The following FBXO46 variants were observed in gnomAD, a reference collection of about 807,000 sequenced individuals.
FBXO46 encodes the protein F-box protein 46, also known as F-box only protein 46.
In FBXO46, 13 loss-of-function variants were observed where a neutral mutation model predicts 30.7. The observed-to-expected ratio is 0.42, with a 90% CI of 0.28 to 0.67. The LOEUF is 0.67. Ranked by LOEUF, FBXO46 falls within the 30% of genes least tolerant of loss-of-function variation. The pLI is 0.21. For synonymous variants in FBXO46, 467 were observed against 385.8 expected (o/e 1.21, Z -2.47); for missense variants, 754 against 871.5 (o/e 0.87, Z 1.70).
chr19:45,712,694 C>T lies in FBXO46; in HGVS notation c.802G>A (p.Gly268Ser), dbSNP rs1475831519. Reference protein sequence around the residue: ...EVRIAFRISNGREPRAPDSGL... With the variant: ...EVRIAFRISNSREPRAPDSGL... ...CTGTCTGGTGCACGGGGCTCCCGGC[C>T]GTTGGAGATGCGGAAGGCGATGCGC... Residue 268 changes from glycine (G) to serine (S), a missense_variant, in exon 2 of 2, where the codon GGC becomes AGC. Around this residue, in one of 5 missense-constraint regions of FBXO46, gnomAD observed 454 missense variants for 426.5 expected, o/e 1.06. Coordinates refer to ENST00000317683, the MANE Select transcript of FBXO46 (RefSeq NM_001080469.2). The surrounding 1 kb of genome is among the most constrained non-coding windows in gnomAD (Gnocchi z 8.8). 6 of 1,612,794 alleles carry T rather than the reference C, an allele frequency of 3.7e-6. No individual in the cohort carries two copies. Among genetic ancestry groups the T allele is most frequent in the African/African-American group, 2.7e-5 (2 of 75,024 alleles).
At chr19:45,718,102 AG>A (rs1203087841) in intron 1 of FBXO46, among the ~76,000 whole-genome samples, 2 of 152,120 alleles carry the variant, frequency 1.3e-5, no homozygotes, top group African/African-American at 4.8e-5. Context: ...GAAAACACCC[AG>A]GTACCCCACC....
In FBXO46 at chr19:45,722,107, C is replaced by T. The variant is rs145486077; in HGVS notation, c.-78-8534G>A. On this transcript the variant is annotated intron_variant, in intron 1 of 1. Coordinates refer to ENST00000317683, the MANE Select transcript of FBXO46 (RefSeq NM_001080469.2). ...TGCTGGGATTACAGGCATGATGCAC[C>T]GCGCCCGGTCCCTGTTCCTTCTATG... Among the ~76,000 whole-genome samples the T allele has an allele frequency of 7.0e-4, 106 of 152,264 alleles. No homozygotes were observed. The East Asian group carries it at 0.013, about 19-fold the overall frequency.
chr19:45,727,961 C>T (rs538503450), intron 1 of FBXO46, among the ~76,000 whole-genome samples: 9 of 152,088 alleles, frequency 5.9e-5, no homozygotes, highest in African/African-American at 1.9e-4. Context: ...TTTTTTGAGA[C>T]AGTCTCACTC....
intron 1 of FBXO46, chr19:45,715,805 T>TC (rs1314688304): frequency 2.3e-4 from 2 of 8,804 alleles, no homozygotes; most frequent in African/African-American, 4.6e-4. Context: ...AAACTCCATC[T>TC]CAAAAAAAAA....
chr19:45,718,304 G>T (rs1968128400), intron 1 of FBXO46, among the ~76,000 whole-genome samples: 1 of 152,192 alleles, frequency 6.6e-6, no homozygotes, highest in African/African-American at 2.4e-5. Flanking sequence ...ACACAGAGCT[G>T]GAGTGTGAGC....
intron 1 of FBXO46, among the ~76,000 whole-genome samples, chr19:45,727,477 T>G (rs1968254766): frequency 6.6e-6 from 1 of 151,566 alleles, no homozygotes; most frequent in African/African-American, 2.4e-5. Flanking sequence ...AGACATCATT[T>G]GAACCCGGGA....
chr19:45,729,007 A>G (rs969931462), intron 1 of FBXO46, among the ~76,000 whole-genome samples: 7 of 152,166 alleles, frequency 4.6e-5, no homozygotes, highest in African/African-American at 1.7e-4. Flanking sequence ...GCTACTCGGG[A>G]GGCTGAGGCG....
chr19:45,723,926 C>T (rs895538094), intron 1 of FBXO46, among the ~76,000 whole-genome samples: 2 of 152,040 alleles, frequency 1.3e-5, no homozygotes, highest in Non-Finnish European at 2.9e-5. Flanking sequence ...AAAACTTGTG[C>T]TTTTAGGAGT....
intron 1 of FBXO46, chr19:45,716,879 T>C (rs1415327066): frequency 1.3e-5 from 2 of 152,210 alleles, no homozygotes; most frequent in Non-Finnish European, 2.9e-5. Flanking sequence ...TGAAATCTCC[T>C]GTCCGGGTTA....
At chr19:45,716,201 TCAAAATCCGAAGAAATC>T (rs1317001912) in intron 1 of FBXO46, 3 of 152,182 alleles carry the variant, frequency 2.0e-5, no homozygotes, top group African/African-American at 4.8e-5. Context: ...ATGCAAATAC[TCAAAATCCGAAGAAATC>T]CAAAATCCGA....
chr19:45,715,218 A>T (rs1405634317), intron 1 of FBXO46: 1 of 152,228 alleles, frequency 6.6e-6, no homozygotes, highest in Non-Finnish European at 1.5e-5. Context: ...TCTCTGGCTC[A>T]TCTCCCTCCA....
In FBXO46 at chr19:45,710,920, C is replaced by A. The variant is rs944720993; in HGVS notation, c.*764G>T. 10 of 176,874 alleles carry A rather than the reference C, an allele frequency of 5.7e-5. No individual in the cohort carries two copies. The South Asian group carries it at 1.0e-3, about 18-fold the overall frequency. The allele number at this position is 176,874 out of a possible 1,614,324, so 11.0% of individuals were successfully genotyped here. On this transcript the variant is annotated 3_prime_UTR_variant, in exon 2 of 2. Coordinates refer to ENST00000317683, the MANE Select transcript of FBXO46 (RefSeq NM_001080469.2). The stretch of plus-strand genomic sequence containing the variant: ...GAAGTCCCTGCCCACGGGGCCCCCC[C>A]ACGCTGTCAAAAGCGAGGCAAAGGG...
chr19:45,711,504 C>G lies in FBXO46; in HGVS notation c.*180G>C, dbSNP rs1254541725. The G allele has an allele frequency of 1.4e-6, 1 of 702,506 alleles. No individual in the cohort carries two copies. The allele number at this position is 702,506 out of a possible 1,614,324, so 43.5% of individuals were successfully genotyped here. A position where few individuals can be genotyped will look rare whatever the true frequency, so the allele number is the denominator to read the frequency against. On this transcript the variant is annotated 3_prime_UTR_variant, in exon 2 of 2. Transcript: ENST00000317683. ...GCCCTGGTTCTGAAGAGTAGAAAAT[C>G]AACAGGATCAAGCAGAGGGCTTTCC...
chr19:45,716,249 T>A (rs893331863), intron 1 of FBXO46: 29 of 152,080 alleles, frequency 1.9e-4, no homozygotes, highest in African/African-American at 7.0e-4. Context: ...AGTCCCAAGA[T>A]TTTCGGGTAA....
rs750431965 is a variant in FBXO46, at chr19:45,713,693, C to G, written c.-78-120G>C. Reference sequence around the variant, plus strand: ...ATCAAGAACTCTATTCCTGGCTGGGCGCGGTGGCTCACGCCTGTAATCCCA... The same window carrying G: ...ATCAAGAACTCTATTCCTGGCTGGGGGCGGTGGCTCACGCCTGTAATCCCA... On this transcript the variant is annotated intron_variant, in intron 1 of 1. Transcript: ENST00000317683. This position sits in a 1 kb window ranked among gnomAD's most constrained non-coding sequence, Gnocchi z 4.7. 1 of 500,786 alleles carries G rather than the reference C, an allele frequency of 2.0e-6. No homozygotes were observed. The highest frequency in any genetic ancestry group is 3.6e-6 in the Non-Finnish European group (1 of 281,418). 31.0% of individuals were successfully genotyped at this position (500,786 alleles called of 1,614,324 possible). A position where few individuals can be genotyped will look rare whatever the true frequency, so the allele number is the denominator to read the frequency against.
Position 45,712,682 on chromosome 19 carries a change from G to T in FBXO46, c.814C>A (p.Arg272Ser). The T allele has an allele frequency of 3.7e-6, 6 of 1,612,702 alleles. No homozygotes were observed. The highest frequency in any genetic ancestry group is 5.1e-6 in the Non-Finnish European group (6 of 1,179,398). The change falls in exon 2 of 2, where the codon CGT becomes AGT. Residue 272 changes from arginine to serine, a missense_variant. Physicochemically the swap from Arg to Ser is moderately radical, Grantham distance 110. Transcript: ENST00000317683. This position sits in a 1 kb window ranked among gnomAD's most constrained non-coding sequence, Gnocchi z 8.8. ...CTGGGCAGGCCGCTGTCTGGTGCAC[G>T]GGGCTCCCGGCCGTTGGAGATGCGG... Reference protein sequence around the residue: ...AFRISNGREPRAPDSGLPSGG... With the variant: ...AFRISNGREPSAPDSGLPSGG...
chr19:45,728,191 G>C (rs1482377774), intron 1 of FBXO46, among the ~76,000 whole-genome samples: 2 of 152,222 alleles, frequency 1.3e-5, no homozygotes, highest in Non-Finnish European at 2.9e-5. Context: ...CTCCCAAAGT[G>C]TTGGGATTAC....
chr19:45,712,406 A>T lies in FBXO46; in HGVS notation c.1090T>A (p.Phe364Ile). The change falls in exon 2 of 2, where the codon TTC becomes ATC. Residue 364 changes from phenylalanine to isoleucine, a missense_variant. By Grantham distance (21) the Phe-to-Ile change is conservative. Transcript: ENST00000317683. The surrounding 1 kb of genome is among the most constrained non-coding windows in gnomAD (Gnocchi z 8.8). Reference protein sequence around the residue: ...PPARDCGASGFHVDVVVTGVV... With the variant: ...PPARDCGASGIHVDVVVTGVV... ...CCCGTCACCACCACGTCCACGTGGA[A>T]GCCTGACGCTCCGCAGTCCCGGGCA... 1 of 1,608,402 alleles carries T rather than the reference A, an allele frequency of 6.2e-7. No individual in the cohort carries two copies. Among genetic ancestry groups the T allele is most frequent in the Non-Finnish European group, 8.5e-7 (1 of 1,179,702 alleles).
rs1967947220 is a variant in FBXO46 at position 45,710,971 on chromosome 19, T to C, written c.*713A>G. On this transcript the variant is annotated 3_prime_UTR_variant, in exon 2 of 2. Transcript: ENST00000317683. ...CTTCACAGCTTTATGGGGGTGGGGT[T>C]GATGGCAGTAGCTTAAATAATAACG... 4.4e-6 allele frequency: 1 copy of C among 228,100 alleles called. No homozygotes were observed. Among genetic ancestry groups the C allele is most frequent in the African/African-American group, 2.4e-5 (1 of 41,818 alleles). 14.1% of individuals were successfully genotyped at this position (228,100 alleles called of 1,614,324 possible).
Sources: gnomAD v4.1 joint callset for allele counts (sites outside exome capture counted in the v4.1 genomes callset) on GRCh38, gnomAD v4.1.1 for gene constraint, gnomAD v4.1.1 regional missense constraint, Gnocchi (gnomAD v3.1) non-coding constraint, MANE v1.5 for transcripts, NCBI Gene and HGNC (gene_info 2026-07-23, HGNC 2026-07-21) for gene names.